CNTFR: variants seen among roughly 807,000 people sequenced by gnomAD.
CNTFR encodes the protein ciliary neurotrophic factor receptor subunit alpha.
Under a neutral mutation model 40.4 loss-of-function variants are expected in CNTFR, and 12 were observed. The observed-to-expected ratio is 0.30, with a 90% CI of 0.19 to 0.48. The LOEUF is 0.48. CNTFR is among the 20% of genes least tolerant of loss of function. The pLI is 0.99. For synonymous variants in CNTFR, 202 were observed against 209.6 expected (o/e 0.96, Z 0.31); for missense variants, 414 against 506.8 (o/e 0.82, Z 1.76).
chr9:34,555,950 C>G (rs543959011), intron 7 of CNTFR, among the ~76,000 whole-genome samples: 1 of 137,428 alleles, frequency 7.3e-6, no homozygotes, highest in Non-Finnish European at 1.6e-5. Context: ...CTCCCTCCCC[C>G]ACCATCTCCC....
At chr9:34,553,011 T>A (rs1036164728) in intron 7 of CNTFR, among the ~76,000 whole-genome samples, 157 bp from the exon 8 acceptor site, 1 of 152,038 alleles carries the variant, frequency 6.6e-6, no homozygotes, top group Non-Finnish European at 1.5e-5. Context: ...TGGAGAATAT[T>A]CTTGCCAGAG....
At chr9:34,567,598 T>C (rs911213656) in intron 3 of CNTFR, among the ~76,000 whole-genome samples, 1 of 151,824 alleles carries the variant, frequency 6.6e-6, no homozygotes, top group Admixed American at 6.6e-5. Flanking sequence ...ACAGCAGTTA[T>C]GCCCAGGGAC....
chr9:34,574,824 T>C (rs575966161), intron 2 of CNTFR, among the ~76,000 whole-genome samples: 61 of 152,326 alleles, frequency 4.0e-4, no homozygotes, highest in Admixed American at 1.3e-3. Flanking sequence ...GATCAGCATG[T>C]GCGTGCCCTG....
At chr9:34,582,207 G>A (rs944795387) in intron 1 of CNTFR, 4 of 150,078 alleles carry the variant, frequency 2.7e-5, no homozygotes, top group East Asian at 1.9e-4. Flanking sequence ...CGTGGGAGGC[G>A]AAGGTTGCAC....
At chr9:34,559,999 G>A (rs971632290) in intron 4 of CNTFR, among the ~76,000 whole-genome samples, 3 of 152,250 alleles carry the variant, frequency 2.0e-5, no homozygotes, top group Non-Finnish European at 4.4e-5. Flanking sequence ...GGGGTTGGGG[G>A]GCTGACTGGA....
At chr9:34,574,372 GCT>G (rs1330828906) in intron 2 of CNTFR, among the ~76,000 whole-genome samples, 1 of 152,162 alleles carries the variant, frequency 6.6e-6, no homozygotes, top group Non-Finnish European at 1.5e-5. Flanking sequence ...TCTCCTCTCA[GCT>G]CTCTCAGTGA....
At position 34,587,332 on chromosome 9, in the gene CNTFR, T is replaced by G. The variant is rs150085035; in HGVS notation, c.-112+2223A>C. On this transcript the variant is annotated intron_variant, in intron 1 of 9. Transcript: ENST00000378980. ...TGGTATCCCTTTTTAAGTCTGAGTGTGAGTCCCAAAGTACCCTTGTAAGTC... is the reference window on the plus strand; with the variant it reads ...TGGTATCCCTTTTTAAGTCTGAGTGGGAGTCCCAAAGTACCCTTGTAAGTC... Among the ~76,000 whole-genome samples the G allele has an allele frequency of 2.0e-5, 3 of 152,302 alleles. No homozygotes were observed. In the East Asian group the frequency reaches 5.8e-4, roughly 29 times the overall value.
chr9:34,551,878 A>C lies in CNTFR; in HGVS notation c.*193T>G. 1.5e-6 allele frequency: 1 copy of C among 684,406 alleles called. No homozygotes were observed. The allele number at this position is 684,406 out of a possible 1,614,324, so 42.4% of individuals were successfully genotyped here. ...ATGGCCCACCTCCCCTGAGGGAGGA[A>C]GGAGGGCCAGCTTGGTGCGGCAGGG... On this transcript the variant is annotated 3_prime_UTR_variant, in exon 10 of 10. Transcript: ENST00000378980.
chr9:34,556,154 A>AG, intron 7 of CNTFR, 101 bp downstream of exon 7: 1 of 1,284,628 alleles, frequency 7.8e-7, no homozygotes, highest in Non-Finnish European at 1.1e-6. Flanking sequence ...CTGATGCATC[A>AG]GGTCTCACAC....
At position 34,556,340 on chromosome 9, in the gene CNTFR, G is replaced by T; in HGVS notation, c.683C>A (p.Thr228Asn). Residue 228 changes from threonine to asparagine, a missense_variant, in exon 7 of 10, where the codon ACC (threonine) becomes AAC (asparagine). Coordinates refer to ENST00000378980, the MANE Select transcript of CNTFR (RefSeq NM_147164.3). ...NPRRLEVTWQTPSTWPDPESF... is the reference protein window; with the variant it reads ...NPRRLEVTWQNPSTWPDPESF... The stretch of plus-strand genomic sequence containing the variant: ...CTCAGGGTCAGGCCAGGTCGAGGGG[G>T]TCTGCCACGTCACCTCCAGCCGGCG... 6.2e-7 allele frequency: 1 copy of T among 1,613,974 alleles called. No homozygotes were observed. Among genetic ancestry groups the T allele is most frequent in the Middle Eastern group, 1.7e-4 (1 of 6,060 alleles).
intron 4 of CNTFR, among the ~76,000 whole-genome samples, chr9:34,559,116 G>A (rs1487950861): frequency 6.6e-6 from 1 of 152,184 alleles, no homozygotes; most frequent in African/African-American, 2.4e-5. Flanking sequence ...GGCCTGACAG[G>A]TGGACAGGAA....
chr9:34,578,451 G>C (rs1379146243), intron 2 of CNTFR, among the ~76,000 whole-genome samples: 1 of 152,194 alleles, frequency 6.6e-6, no homozygotes, highest in African/African-American at 2.4e-5. Flanking sequence ...GGGGTGGCCG[G>C]GGCCTCCTTT....
At chr9:34,562,295 C>T (rs1177584952) in intron 4 of CNTFR, among the ~76,000 whole-genome samples, 1 of 152,138 alleles carries the variant, frequency 6.6e-6, no homozygotes, top group Non-Finnish European at 1.5e-5. Flanking sequence ...CCCCATAGTG[C>T]GCCAAGGAGA....
chr9:34,574,767 G>C (rs1456660297), intron 2 of CNTFR, among the ~76,000 whole-genome samples: 1 of 152,256 alleles, frequency 6.6e-6, no homozygotes, highest in African/African-American at 2.4e-5. Context: ...CCTGGACTCA[G>C]TGCTCAAAAC....
chr9:34,585,313 G>A (rs1465261956), intron 1 of CNTFR, among the ~76,000 whole-genome samples: 1 of 152,074 alleles, frequency 6.6e-6, no homozygotes, highest in African/African-American at 2.4e-5. Context: ...ATATATGGTG[G>A]GGCACACTGA....
chr9:34,554,964 G>A (rs998513733), intron 7 of CNTFR, among the ~76,000 whole-genome samples: 4 of 152,242 alleles, frequency 2.6e-5, no homozygotes, highest in Non-Finnish European at 5.9e-5. Flanking sequence ...CCACCTCAGT[G>A]TGGGGGTCAG....
At position 34,552,389 on chromosome 9, in the gene CNTFR, G is replaced by A; in HGVS notation, c.950-60C>T. 2 of 1,468,008 alleles carry A rather than the reference G, an allele frequency of 1.4e-6. No homozygotes were observed. Among genetic ancestry groups the A allele is most frequent in the Non-Finnish European group, 1.8e-6 (2 of 1,099,540 alleles). The allele number at this position is 1,468,008 out of a possible 1,614,324, so 90.9% of individuals were successfully genotyped here. On this transcript the variant is annotated intron_variant, in intron 8 of 9. Coordinates refer to ENST00000378980, the MANE Select transcript of CNTFR (RefSeq NM_147164.3). This position sits in a 1 kb window ranked among gnomAD's most constrained non-coding sequence, Gnocchi z 5.1. ...GGGCTGGGTCCCATCCAGATCTGGG[G>A]GCTCATGAGACATACCATTCTGCTT...
At chr9:34,559,087 T>TC (rs1057252186) in intron 4 of CNTFR, among the ~76,000 whole-genome samples, 1 of 151,186 alleles carries the variant, frequency 6.6e-6, no homozygotes, top group Non-Finnish European at 1.5e-5. Context: ...CTCCTGTGCC[T>TC]CCCCCCTCCC....
chr9:34,564,583 T>G lies in CNTFR; in HGVS notation c.319+16A>C, dbSNP rs1262984478. ...GGAAGGAGGGAGGCTGGATGAGGGG[T>G]GGGGGCAACACTTACAGCCCACATG... is the stretch of plus-strand genomic sequence containing the variant. On this transcript the variant is annotated intron_variant, in intron 4 of 9. Transcript: ENST00000378980. The G allele has an allele frequency of 1.3e-5, 20 of 1,590,360 alleles. No homozygotes were observed. Among genetic ancestry groups the G allele is most frequent in the Non-Finnish European group, 1.7e-5 (20 of 1,168,522 alleles).
Sources: allele counts gnomAD v4.1 joint callset (sites outside exome capture counted in the v4.1 genomes callset), GRCh38; gene constraint gnomAD v4.1.1; non-coding constraint Gnocchi (gnomAD v3.1); transcripts MANE v1.5; gene names NCBI Gene and HGNC (gene_info 2026-07-23, HGNC 2026-07-21).